TMOD1: variants seen among roughly 807,000 people sequenced by gnomAD.
TMOD1 encodes tropomodulin 1.
TMOD1 carries 17 observed loss-of-function variants against 40.6 expected under a neutral mutation model. The observed-to-expected ratio is 0.42, with a 90% CI of 0.29 to 0.63. The LOEUF (loss-of-function observed/expected upper bound fraction) is 0.63. TMOD1 is among the 20% of genes least tolerant of loss of function. The pLI is 0.22. For synonymous variants in TMOD1, 181 were observed against 175.0 expected (o/e 1.03, Z -0.27); for missense variants, 391 against 447.6 (o/e 0.87, Z 1.14).
chr9:97,600,042 T>G lies in TMOD1; in HGVS notation c.*344T>G. The G allele has an allele frequency of 9.3e-7, 1 of 1,078,502 alleles. No individual in the cohort carries two copies. The highest frequency in any genetic ancestry group is 1.1e-6 in the Non-Finnish European group (1 of 884,562). The allele number at this position is 1,078,502 out of a possible 1,614,324, so 66.8% of individuals were successfully genotyped here. On this transcript the variant is annotated 3_prime_UTR_variant, in exon 10 of 10. Transcript: ENST00000259365. ...TTGCTGTGTGGTGTTTCAAGTGCAT[T>G]TAAAATGTGTGACACAGAAACGGCA...
At chr9:97,549,245 C>T (rs927593918) in intron 3 of TMOD1, among the ~76,000 whole-genome samples, 2 of 152,130 alleles carry the variant, frequency 1.3e-5, no homozygotes, top group African/African-American at 2.4e-5. Flanking sequence ...TCCTTAGCAT[C>T]GTGGATCACA....
rs1829510549 is a variant in TMOD1, at chr9:97,502,068, T to G, written c.-49+265T>G. On this transcript the variant is annotated intron_variant, in intron 1 of 9. Coordinates refer to ENST00000259365, the MANE Select transcript of TMOD1 (RefSeq NM_003275.4). The surrounding 1 kb of genome is among the most constrained non-coding windows in gnomAD (Gnocchi z 6.1). The stretch of plus-strand genomic sequence containing the variant: ...GCCAGGGCGCCCTCCGCTCTGGACC[T>G]CCGCACCGCGTCTGTGAACGCGAGA... 6.6e-6 allele frequency among the ~76,000 whole-genome samples: 1 copy of G among 151,816 alleles called. No individual in the cohort carries two copies. Among genetic ancestry groups the G allele is most frequent in the East Asian group, 2.0e-4 (1 of 5,126 alleles).
At chr9:97,562,941 C>T in intron 5 of TMOD1, 120 bp downstream of exon 5, 2 of 715,970 alleles carry the variant, frequency 2.8e-6, no homozygotes, top group South Asian at 1.9e-5. Flanking sequence ...TTCATCCTTT[C>T]CTTTGAGTCT....
rs574728527 is a variant in TMOD1, at chr9:97,542,479, T to C, written c.121-3706T>C. ...TATTTTTGAAATACATTAAAAAATC[T>C]GTATTATATAACATGTTATAATTAT... On this transcript the variant is annotated intron_variant, in intron 2 of 9. Transcript: ENST00000259365. Among the ~76,000 whole-genome samples, 2 of 152,364 alleles carry C rather than the reference T, an allele frequency of 1.3e-5. 1 individual carries two copies. The highest frequency in any genetic ancestry group is 4.8e-5 in the African/African-American group (2 of 41,586).
chr9:97,549,432 G>T (rs565332344), intron 3 of TMOD1, among the ~76,000 whole-genome samples: 2 of 152,134 alleles, frequency 1.3e-5, no homozygotes, highest in African/African-American at 4.8e-5. Flanking sequence ...AACCTGTTAT[G>T]GGGTATAATA....
At chr9:97,560,641 C>T (rs1001665976) in intron 4 of TMOD1, among the ~76,000 whole-genome samples, 12 of 145,330 alleles carry the variant, frequency 8.3e-5, no homozygotes, top group African/African-American at 2.3e-4. Context: ...ATTAGCCGGA[C>T]GACAAAAAAT....
chr9:97,550,463 GCAAC>G, intron 3 of TMOD1, among the ~76,000 whole-genome samples: 1 of 152,088 alleles, frequency 6.6e-6, no homozygotes, highest in Admixed American at 6.5e-5. Flanking sequence ...CTTTTCCATA[GCAAC>G]CATACCACTT....
At chr9:97,580,276 T>G (rs1204921638) in intron 8 of TMOD1, among the ~76,000 whole-genome samples, 1 of 152,104 alleles carries the variant, frequency 6.6e-6, no homozygotes, top group East Asian at 1.9e-4. Flanking sequence ...CTTTTAAAAT[T>G]TGGGGATAAT....
intron 8 of TMOD1, among the ~76,000 whole-genome samples, chr9:97,576,074 G>A (rs369279521): frequency 2.6e-5 from 4 of 152,258 alleles, no homozygotes; most frequent in South Asian, 4.1e-4. Context: ...ACACCAGGGC[G>A]TCCCGTGAAG....
rs1826188984 is a variant in TMOD1 at position 97,599,115 on chromosome 9, A to ATAAC, written c.1016-517_1016-514dup. Among the ~76,000 whole-genome samples, 3 of 152,180 alleles carry ATAAC rather than the reference A, an allele frequency of 2.0e-5. No homozygotes were observed. In the South Asian group the frequency reaches 6.2e-4, roughly 31 times the overall value. On this transcript the variant is annotated intron_variant, in intron 9 of 9. Coordinates refer to ENST00000259365, the MANE Select transcript of TMOD1 (RefSeq NM_003275.4). ...CTTTGTCACTTGAACAGTGTTGAGC[A>ATAAC]TAACTGTCTTGCCCCCGGGGAAAAT...
rs1376015851 is a variant in TMOD1, at chr9:97,600,401, G to GTTCT, written c.*706_*709dup. 2.0e-6 allele frequency: 2 copies of GTTCT among 985,732 alleles called. No individual in the cohort carries two copies. Among genetic ancestry groups the GTTCT allele is most frequent in the African/African-American group, 1.7e-5 (1 of 57,236 alleles). The allele number at this position is 985,732 out of a possible 1,614,324, so 61.1% of individuals were successfully genotyped here. On this transcript the variant is annotated 3_prime_UTR_variant, in exon 10 of 10. Transcript: ENST00000259365. The stretch of plus-strand genomic sequence containing the variant: ...CCAGGCAACAAACATGTCCCTGAGT[G>GTTCT]TTCTTTAAGAACATTTGGGATTTAT...
intron 8 of TMOD1, among the ~76,000 whole-genome samples, chr9:97,589,587 C>A (rs1214596324): frequency 6.6e-6 from 1 of 152,020 alleles, no homozygotes; most frequent in Non-Finnish European, 1.5e-5. Context: ...CCGGAACTCA[C>A]TAATTTTGTG....
At chr9:97,527,621 A>G (rs1830037061) in intron 2 of TMOD1, among the ~76,000 whole-genome samples, 1 of 152,170 alleles carries the variant, frequency 6.6e-6, no homozygotes, top group South Asian at 2.1e-4. Flanking sequence ...GCGACTAGAA[A>G]GAGGGGTTGG....
rs1181039859 is a variant in TMOD1, at chr9:97,601,276, GAACCT to G, written c.*1579_*1583del. On this transcript the variant is annotated 3_prime_UTR_variant, in exon 10 of 10. Transcript: ENST00000259365. The stretch of plus-strand genomic sequence containing the variant: ...TGCATGGCTGCGTATGTGTTTCTTG[GAACCT>G]GTGTGACAGGGACATGTGCCTGGCA... The G allele has an allele frequency of 8.4e-6, 10 of 1,196,836 alleles. No individual in the cohort carries two copies. The highest frequency in any genetic ancestry group is 1.1e-5 in the Non-Finnish European group (10 of 935,672). 74.1% of individuals were successfully genotyped at this position (1,196,836 alleles called of 1,614,324 possible). A position where few individuals can be genotyped will look rare whatever the true frequency, so the allele number is the denominator to read the frequency against.
intron 4 of TMOD1, among the ~76,000 whole-genome samples, chr9:97,559,201 T>A (rs1417417553): frequency 2.6e-5 from 4 of 152,046 alleles, no homozygotes; most frequent in African/African-American, 9.7e-5. Flanking sequence ...TGCCCCAGAA[T>A]GGGACTCCTT....
chr9:97,564,266 A>G, intron 6 of TMOD1, 98 bp downstream of exon 6: 1 of 1,447,884 alleles, frequency 6.9e-7, no homozygotes, highest in Non-Finnish European at 9.2e-7. Context: ...TGCAGAGTAA[A>G]CAGGGTCCTG....
chr9:97,538,946 A>G (rs556517182), intron 2 of TMOD1, among the ~76,000 whole-genome samples: 105 of 152,260 alleles, frequency 6.9e-4, no homozygotes, highest in African/African-American at 2.4e-3. Flanking sequence ...TGGAGGTTGC[A>G]GTGAGCTGAG....
chr9:97,595,903 T>C (rs1475545330), intron 9 of TMOD1, among the ~76,000 whole-genome samples: 1 of 151,742 alleles, frequency 6.6e-6, no homozygotes, highest in Non-Finnish European at 1.5e-5. Flanking sequence ...TGAAACCCTG[T>C]CTCTACTAAA....
chr9:97,563,968 G>C, intron 5 of TMOD1, 70 bp from the exon 6 acceptor site: 1 of 1,517,672 alleles, frequency 6.6e-7, no homozygotes, highest in Non-Finnish European at 8.9e-7. Flanking sequence ...CCCTTCCACA[G>C]TATCTTTGTG....
Sources: gnomAD v4.1 joint callset for allele counts (sites outside exome capture counted in the v4.1 genomes callset) on GRCh38, gnomAD v4.1.1 for gene constraint, Gnocchi (gnomAD v3.1) non-coding constraint, MANE v1.5 for transcripts, NCBI Gene and HGNC (gene_info 2026-07-23, HGNC 2026-07-21) for gene names.